The following TNNT3 variants were observed in gnomAD, a reference collection of about 807,000 sequenced individuals.
The protein encoded by TNNT3 is troponin T3, fast skeletal type.
A neutral mutation model predicts 54.2 loss-of-function variants in TNNT3; 36 were observed. The observed-to-expected ratio is 0.66, with a 90% CI of 0.51 to 0.88. The LOEUF (loss-of-function observed/expected upper bound fraction) is 0.88, where lower values mean the gene tolerates loss of function less well. TNNT3 is among the 40% of genes least tolerant of loss of function. The pLI is 0.00. For synonymous variants in TNNT3, 120 were observed against 109.7 expected, an observed-to-expected ratio of 1.09 and a Z score of -0.59; for missense variants, 291 against 331.6, an observed-to-expected ratio of 0.88 and a Z score of 0.95.
intron 6 of TNNT3, 142 bp downstream of exon 6, chr11:1,926,851 G>A (rs1851758264): frequency 5.4e-6 from 6 of 1,111,486 alleles, no homozygotes; most frequent in Non-Finnish European, 8.0e-6. Flanking sequence ...GGGACAGAGT[G>A]AGGACCCTGG....
chr11:1,936,310 G>A (rs576061681), intron 14 of TNNT3: 2 of 1,593,580 alleles, frequency 1.3e-6, no homozygotes, highest in South Asian at 2.2e-5. Context: ...GCACGGTGAG[G>A]TGAACCTCTC....
chr11:1,925,412 C>T, intron 5 of TNNT3: 1 of 956,238 alleles, frequency 1.0e-6, no homozygotes, highest in Non-Finnish European at 1.6e-6. Context: ...ACATGTGGCC[C>T]TAATGTAACC....
chr11:1,929,137 G>T lies in TNNT3; in HGVS notation c.100G>T (p.Ala34Ser), dbSNP rs751471487. The change falls in exon 7 of 16, where the codon GCG becomes TCG. Residue 34 changes from alanine to serine, a missense_variant. Physicochemically the swap from Ala to Ser is moderately conservative, Grantham distance 99. Coordinates refer to ENST00000278317, the MANE Select transcript of TNNT3 (RefSeq NM_006757.4). Reference protein sequence around the residue: ...EVQEDTAEEDAEEEKPRPKLT... With the variant: ...EVQEDTAEEDSEEEKPRPKLT... ...CCTGGAAGACACCGCAGAGGAGGACGCGGAAGGTAAGGGCCCGTCCCTGCC... is the reference window on the plus strand; with the variant it reads ...CCTGGAAGACACCGCAGAGGAGGACTCGGAAGGTAAGGGCCCGTCCCTGCC... 1 of 1,613,072 alleles carries T rather than the reference G, an allele frequency of 6.2e-7. No homozygotes were observed. The highest frequency in any genetic ancestry group is 1.3e-5 in the African/African-American group (1 of 75,070).
rs1564807429 is a variant in TNNT3 at position 1,926,722 on chromosome 11, TC to T, written c.82+18del. 6.2e-6 allele frequency: 10 copies of T among 1,612,790 alleles called. No individual in the cohort carries two copies. The highest frequency in any genetic ancestry group is 7.6e-6 in the Non-Finnish European group (9 of 1,179,990). On this transcript the variant is annotated intron_variant, in intron 6 of 15. Transcript: ENST00000278317. ...GAAGTTCAAGAAGGTACGCCGGCGC[TC>T]CCCCGCCTCCAGGCCAGAGTCTCCG...
chr11:1,925,083 C>T lies in TNNT3; in HGVS notation c.50-16C>T. ...CAACCCCGCCTTCTCCTGCTCCTGG[C>T]TTCTCCGGCTCTCAGAGGAAGCCCA... On this transcript the variant is annotated splice_polypyrimidine_tract_variant and intron_variant, in intron 4 of 15. Transcript: ENST00000278317. 6.2e-7 allele frequency: 1 copy of T among 1,612,476 alleles called. No individual in the cohort carries two copies. The highest frequency in any genetic ancestry group is 8.5e-7 in the Non-Finnish European group (1 of 1,179,910).
rs771819702 is a variant in TNNT3 at position 1,933,984 on chromosome 11, G to C, written c.342G>C (p.Glu114Asp). 1 of 1,612,552 alleles carries C rather than the reference G, an allele frequency of 6.2e-7. No homozygotes were observed. The highest frequency in any genetic ancestry group is 1.1e-5 in the South Asian group (1 of 91,068). Residue 114 changes from glutamate to aspartate, a missense_variant, in exon 11 of 16, where the codon GAG becomes GAC. Transcript: ENST00000278317. ...AGCAGAGGATTCGTGCAGAGAAGGA[G>C]AGGGAGCGCCAGAACAGACTGGCGG... ...AEQQRIRAEK[E>D]RERQNRLAEE...
intron 8 of TNNT3, among the ~76,000 whole-genome samples, chr11:1,931,647 C>T (rs963683377): frequency 2.6e-5 from 4 of 151,136 alleles, no homozygotes; most frequent in Non-Finnish European, 5.9e-5. Flanking sequence ...CATCAGTTTG[C>T]ATAAGGATAT....
At chr11:1,933,673 G>C (rs373845621) in intron 9 of TNNT3, 48 bp from the exon 10 acceptor site, 252 of 1,482,844 alleles carry the variant, frequency 1.7e-4, no homozygotes, top group Non-Finnish European at 2.3e-4. Flanking sequence ...AGGCAGGGCA[G>C]AGGTTGGAGA....
intron 9 of TNNT3, among the ~76,000 whole-genome samples, chr11:1,933,116 C>G: frequency 7.1e-6 from 1 of 141,808 alleles, no homozygotes; most frequent in East Asian, 2.1e-4. Context: ...ACTCATCCAC[C>G]CTCCCACCCA....
intron 6 of TNNT3, among the ~76,000 whole-genome samples, chr11:1,928,821 C>T (rs1852369143): frequency 3.3e-5 from 4 of 121,744 alleles, no homozygotes; most frequent in Admixed American, 1.9e-4. Flanking sequence ...AGATGAGACC[C>T]AGTGCCCTTA....
chr11:1,926,361 C>T (rs1038422276), intron 5 of TNNT3: 2 of 1,400,382 alleles, frequency 1.4e-6, no homozygotes, highest in African/African-American at 1.4e-5. Context: ...ACGCACCCCA[C>T]CCTCGGCCTC....
rs755730812 is a variant in TNNT3, at chr11:1,934,613, G to C, written c.548G>C (p.Arg183Pro). The change falls in exon 13 of 16, where the codon CGC becomes CCC. Residue 183 changes from arginine to proline, a missense_variant. Physicochemically the swap from Arg to Pro is moderately radical, Grantham distance 103. Transcript: ENST00000278317. ...EMKKKILAERRKPLNIDHLGE... is the reference protein window; with the variant it reads ...EMKKKILAERPKPLNIDHLGE... ...AAGAAGAAGATTCTGGCTGAGAGAC[G>C]CAAGCCGCTCAACATCGATCACCTT... 1 of 1,608,496 alleles carries C rather than the reference G, an allele frequency of 6.2e-7. No individual in the cohort carries two copies. The highest frequency in any genetic ancestry group is 1.7e-5 in the Admixed American group (1 of 59,224).
chr11:1,923,714 C>G (rs146986911), intron 4 of TNNT3, 142 bp downstream of exon 4: 64 of 686,462 alleles, frequency 9.3e-5, no homozygotes, highest in African/African-American at 4.9e-4. Context: ...TCTTCCTCAT[C>G]ATTAGTCACT....
Position 1,929,117 on chromosome 11 carries a change from A to T in TNNT3, c.83-3A>T. 2.5e-6 allele frequency: 4 copies of T among 1,613,238 alleles called. No homozygotes were observed. The highest frequency in any genetic ancestry group is 1.3e-5 in the African/African-American group (1 of 75,032). ...TGTGCTTGTGCCTTTTGCCACCTGG[A>T]AGACACCGCAGAGGAGGACGCGGAA... On this transcript the variant is annotated splice_region_variant and splice_polypyrimidine_tract_variant and intron_variant, in intron 6 of 15. Coordinates refer to ENST00000278317, the MANE Select transcript of TNNT3 (RefSeq NM_006757.4).
At position 1,938,518 on chromosome 11, in the gene TNNT3, A is replaced by G. The variant is rs369857949; in HGVS notation, c.*26A>G. On this transcript the variant is annotated 3_prime_UTR_variant, in exon 16 of 16. Transcript: ENST00000278317. ...AGAGGCCAGAAAGGCCCCTCGAGGCAGAGACCCTCCGCCCTCTTGCACACC... is the reference window on the plus strand; with the variant it reads ...AGAGGCCAGAAAGGCCCCTCGAGGCGGAGACCCTCCGCCCTCTTGCACACC... The G allele has an allele frequency of 2.5e-4, 410 of 1,611,818 alleles. 1 individual carries two copies. The African/African-American group carries it at 4.7e-3, about 19-fold the overall frequency.
chr11:1,926,570 C>A, intron 5 of TNNT3, 125 bp from the exon 6 acceptor site: 1 of 1,607,714 alleles, frequency 6.2e-7, no homozygotes, highest in Non-Finnish European at 8.5e-7. Context: ...CCGCGTAACC[C>A]TGCACAGCCT....
intron 15 of TNNT3, among the ~76,000 whole-genome samples, chr11:1,937,388 C>T (rs975301667): frequency 3.3e-5 from 5 of 152,176 alleles, no homozygotes; most frequent in African/African-American, 1.2e-4. Flanking sequence ...GTCCCACCCT[C>T]CAAGGGGACC....
chr11:1,926,495 T>C, intron 5 of TNNT3, 200 bp from the exon 6 acceptor site: 2 of 1,613,130 alleles, frequency 1.2e-6, no homozygotes, highest in East Asian at 4.5e-5. Flanking sequence ...CGTGCATGAC[T>C]TCGATGCCAC....
intron 8 of TNNT3, among the ~76,000 whole-genome samples, 196 bp downstream of exon 8, chr11:1,930,024 C>T (rs1255663748): frequency 6.6e-6 from 1 of 152,154 alleles, no homozygotes; most frequent in African/African-American, 2.4e-5. Flanking sequence ...GGGCCAGATG[C>T]CTGGAGCCTG....
Sources: allele counts gnomAD v4.1 joint callset (sites outside exome capture counted in the v4.1 genomes callset), GRCh38; gene constraint gnomAD v4.1.1; transcripts MANE v1.5; gene names NCBI Gene and HGNC (gene_info 2026-07-23, HGNC 2026-07-21).